Variants in DOCK3 observed in about 807,000 individuals in gnomAD.
The protein encoded by DOCK3 is dedicator of cytokinesis 3.
In DOCK3, 60 loss-of-function variants were observed where a neutral mutation model predicts 265.6. The ratio of observed to expected loss-of-function variants is 0.23; its 90% CI spans 0.18 to 0.28. The LOEUF (loss-of-function observed/expected upper bound fraction) is 0.28, where lower values mean the gene tolerates loss of function less well. Among genes scored for constraint, DOCK3 ranks in the 10% least tolerant of loss-of-function variants. DOCK3 has a pLI of 1.00. For synonymous variants in DOCK3, 881 were observed against 938.0 expected (o/e 0.94, Z 1.11); for missense variants, 1,981 against 2,594.3 (o/e 0.76, Z 5.14).
rs1258146071 is a variant in DOCK3 at position 51,360,495 on chromosome 3, A to G, written c.4885-16A>G. 6.2e-7 allele frequency: 1 copy of G among 1,605,668 alleles called. No homozygotes were observed. Among genetic ancestry groups the G allele is most frequent in the Non-Finnish European group, 8.5e-7 (1 of 1,175,504 alleles). On this transcript the variant is annotated splice_polypyrimidine_tract_variant and intron_variant, in intron 46 of 52. Transcript: ENST00000266037. ...TATTCTTTACTCTCTATGAAGGGGC[A>G]TTCATTTCTCAACAGGAGTTTCCAG...
At chr3:51,380,027 A>G (rs937663094) in intron 51 of DOCK3, 98 bp from the exon 52 acceptor site, 1 of 1,145,668 alleles carries the variant, frequency 8.7e-7, no homozygotes, top group Non-Finnish European at 1.3e-6. Context: ...TCCCCAGGGG[A>G]CTCTTCTCAT....
intron 2 of DOCK3, chr3:50,787,838 A>G: frequency 9.0e-7 from 1 of 1,113,410 alleles, no homozygotes; most frequent in East Asian, 2.6e-5. Context: ...TCATTGTTTA[A>G]GAACAGGAGT....
intron 31 of DOCK3, among the ~76,000 whole-genome samples, chr3:51,313,646 C>T (rs114827905): frequency 1.1e-3 from 170 of 152,294 alleles, no homozygotes; most frequent in Non-Finnish European, 1.9e-3. Context: ...CAGCTGAGCT[C>T]ATGGTTCTGA....
At chr3:50,921,463 A>T (rs2050461187) in intron 4 of DOCK3, among the ~76,000 whole-genome samples, 1 of 152,088 alleles carries the variant, frequency 6.6e-6, no homozygotes, top group Non-Finnish European at 1.5e-5. Flanking sequence ...TCTTTTTTCA[A>T]GGTTTTTAGC....
intron 5 of DOCK3, among the ~76,000 whole-genome samples, chr3:51,023,214 T>A (rs2079669157): frequency 6.6e-6 from 1 of 152,136 alleles, no homozygotes; most frequent in South Asian, 2.1e-4. Flanking sequence ...TTTTATATAA[T>A]CTCATATTTC....
chr3:51,039,800 T>C (rs2080408040), intron 5 of DOCK3, among the ~76,000 whole-genome samples: 1 of 151,792 alleles, frequency 6.6e-6, no homozygotes, highest in African/African-American at 2.4e-5. Flanking sequence ...TCTGTTACCT[T>C]TGAGATTCTT....
chr3:51,298,901 A>G (rs1473475124), intron 27 of DOCK3, among the ~76,000 whole-genome samples: 1 of 151,760 alleles, frequency 6.6e-6, no homozygotes, highest in Non-Finnish European at 1.5e-5. Flanking sequence ...GTAATATGTA[A>G]TAGAATGATT....
intron 5 of DOCK3, among the ~76,000 whole-genome samples, chr3:50,994,320 T>C (rs756536091): frequency 7.2e-4 from 109 of 152,352 alleles, no homozygotes; most frequent in Middle Eastern, 6.8e-3. Context: ...CATTTTTCTA[T>C]ATTCTCTTTT....
chr3:51,264,928 A>G (rs1231820509), intron 23 of DOCK3, among the ~76,000 whole-genome samples: 1 of 151,986 alleles, frequency 6.6e-6, no homozygotes, highest in Non-Finnish European at 1.5e-5. Context: ...GTTTTTTGAA[A>G]AGATTAACAA....
intron 5 of DOCK3, among the ~76,000 whole-genome samples, chr3:50,943,994 A>G (rs1340502814): frequency 6.6e-6 from 1 of 152,198 alleles, no homozygotes; most frequent in Non-Finnish European, 1.5e-5. Context: ...TATGTGTTGC[A>G]TTATTCTGTT....
At chr3:51,059,746 T>A (rs1357103529) in intron 5 of DOCK3, among the ~76,000 whole-genome samples, 1 of 152,120 alleles carries the variant, frequency 6.6e-6, no homozygotes, top group African/African-American at 2.4e-5. Flanking sequence ...ACCAGCTACC[T>A]GTATCATTAC....
intron 1 of DOCK3, among the ~76,000 whole-genome samples, chr3:50,695,925 G>C (rs1327140844): frequency 4.6e-5 from 7 of 152,202 alleles, no homozygotes; most frequent in African/African-American, 1.7e-4. Context: ...TGGTAGAGGA[G>C]GATTTATGGA....
chr3:50,702,079 A>C (rs946256250), intron 1 of DOCK3, among the ~76,000 whole-genome samples: 13 of 152,088 alleles, frequency 8.5e-5, no homozygotes, highest in Non-Finnish European at 1.5e-4. Flanking sequence ...CAAATTTTAG[A>C]TTGTTTATTC....
intron 22 of DOCK3, among the ~76,000 whole-genome samples, chr3:51,258,538 C>T (rs1018612529): frequency 2.0e-5 from 3 of 152,094 alleles, no homozygotes; most frequent in African/African-American, 7.2e-5. Flanking sequence ...GAGTCTTGCT[C>T]AGTTCACCAG....
intron 27 of DOCK3, among the ~76,000 whole-genome samples, chr3:51,287,729 G>A: frequency 6.6e-6 from 1 of 152,132 alleles, no homozygotes; most frequent in East Asian, 1.9e-4. Context: ...GCAGTTCTGT[G>A]ATTTCTCAAC....
At chr3:50,905,045 C>T (rs927963652) in intron 4 of DOCK3, among the ~76,000 whole-genome samples, 1 of 152,120 alleles carries the variant, frequency 6.6e-6, no homozygotes, top group Non-Finnish European at 1.5e-5. Flanking sequence ...TTGTTTTTCT[C>T]AGCTTTGTCA....
At chr3:50,879,868 A>C (rs56006979) in intron 3 of DOCK3, among the ~76,000 whole-genome samples, 141,085 of 152,216 alleles carry the variant, frequency 0.93, 65,518 homozygotes, top group East Asian at 1. Flanking sequence ...CAAAATCAAC[A>C]ACATAGTTGG....
chr3:51,020,424 G>C (rs1222983777), intron 5 of DOCK3, among the ~76,000 whole-genome samples: 3 of 151,776 alleles, frequency 2.0e-5, no homozygotes, highest in South Asian at 2.1e-4. Flanking sequence ...TAGGTTGTCT[G>C]TTTACTCTGA....
intron 35 of DOCK3, among the ~76,000 whole-genome samples, chr3:51,335,490 T>C (rs951931037): frequency 6.6e-6 from 1 of 152,216 alleles, no homozygotes; most frequent in Admixed American, 6.5e-5. Flanking sequence ...TGAATGATGA[T>C]CATTTGTCAT....
Sources: allele counts gnomAD v4.1 joint callset (sites outside exome capture counted in the v4.1 genomes callset), GRCh38; gene constraint gnomAD v4.1.1; transcripts MANE v1.5; gene names NCBI Gene and HGNC (gene_info 2026-07-23, HGNC 2026-07-21).